PAPOLA: variants seen among roughly 807,000 people sequenced by gnomAD.
PAPOLA encodes polynucleotide adenylyltransferase alpha.
In PAPOLA, 15 loss-of-function variants were observed where a neutral mutation model predicts 100.6. The ratio of observed to expected loss-of-function variants is 0.15; its 90% CI spans 0.10 to 0.23. The LOEUF (loss-of-function observed/expected upper bound fraction) is 0.23, where lower values mean the gene tolerates loss of function less well. Among genes scored for constraint, PAPOLA ranks in the 10% least tolerant of loss-of-function variants. The probability of loss-of-function intolerance (pLI) is 1.00; values close to 1 mark genes in which losing one functional copy is unlikely to be tolerated. For synonymous variants in PAPOLA, 293 were observed against 300.0 expected (o/e 0.98, Z 0.24); for missense variants, 533 against 884.2 (o/e 0.60, Z 5.04).
chr14:96,522,112 CTTTCTT>C (rs1384790233), intron 3 of PAPOLA, among the ~76,000 whole-genome samples: 11 of 98,710 alleles, frequency 1.1e-4, no homozygotes, highest in South Asian at 4.0e-4. Flanking sequence ...CTCTTTCTTT[CTTTCTT>C]TTTTTTTTTT....
rs2140347041 is a variant in PAPOLA at position 96,565,576 on chromosome 14, C to T, written c.*526C>T. ...ATACTTCAGAGAAAGGGTAAGAGTA[C>T]ATCTAGTTCAGTTCCTATGAGGTAG... On this transcript the variant is annotated 3_prime_UTR_variant, in exon 22 of 22. Transcript: ENST00000216277. 5.1e-6 allele frequency: 2 copies of T among 395,286 alleles called. No homozygotes were observed. The highest frequency in any genetic ancestry group is 2.1e-5 in the African/African-American group (1 of 48,598). The allele number at this position is 395,286 out of a possible 1,614,324, so 24.5% of individuals were successfully genotyped here. A position where few individuals can be genotyped will look rare whatever the true frequency, so the allele number is the denominator to read the frequency against.
intron 13 of PAPOLA, 166 bp downstream of exon 13, chr14:96,542,462 T>A (rs1265386870): frequency 1.8e-6 from 1 of 566,816 alleles, no homozygotes; most frequent in African/African-American, 1.9e-5. Context: ...AATCAGGAGA[T>A]CCATATGCAA....
At chr14:96,540,909 C>T (rs545541309) in intron 12 of PAPOLA, among the ~76,000 whole-genome samples, 1 of 152,264 alleles carries the variant, frequency 6.6e-6, no homozygotes, top group Admixed American at 6.5e-5. Context: ...TGTTTTGAGA[C>T]GGAGTCTCGC....
rs1308665561 is a variant in PAPOLA, at chr14:96,566,612, A to T, written c.*1562A>T. 1 of 152,566 alleles carries T rather than the reference A, an allele frequency of 6.6e-6. No individual in the cohort carries two copies. The highest frequency in any genetic ancestry group is 2.1e-4 in the South Asian group (1 of 4,834). The allele number at this position is 152,566 out of a possible 1,614,324, so 9.5% of individuals were successfully genotyped here. A position where few individuals can be genotyped will look rare whatever the true frequency, so the allele number is the denominator to read the frequency against. On this transcript the variant is annotated 3_prime_UTR_variant, in exon 22 of 22. Coordinates refer to ENST00000216277, the MANE Select transcript of PAPOLA (RefSeq NM_032632.5). ...CTTTTCCCCCTTAGGCTATGCATTA[A>T]TCGAAGCTTTCTTTTCACCATGACT...
At chr14:96,527,791 G>C in intron 5 of PAPOLA, 162 bp from the exon 6 acceptor site, 1 of 661,956 alleles carries the variant, frequency 1.5e-6, no homozygotes, top group South Asian at 1.8e-5. Flanking sequence ...CTGATGAGTG[G>C]GTGAAGTAAA....
chr14:96,555,227 T>A (rs1021281564), intron 17 of PAPOLA, among the ~76,000 whole-genome samples: 26 of 149,920 alleles, frequency 1.7e-4, no homozygotes, highest in African/African-American at 4.6e-4. Flanking sequence ...TTTTTTTTTT[T>A]AATAATATAG....
At chr14:96,505,524 C>T (rs958093677) in intron 1 of PAPOLA, among the ~76,000 whole-genome samples, 1 of 152,054 alleles carries the variant, frequency 6.6e-6, no homozygotes, top group East Asian at 1.9e-4. Context: ...AGAATGTTGT[C>T]AAAGTTACCA....
At chr14:96,548,296 CTT>C (rs967076292) in intron 16 of PAPOLA, among the ~76,000 whole-genome samples, 3 of 151,994 alleles carry the variant, frequency 2.0e-5, no homozygotes, top group East Asian at 1.9e-4. Context: ...TTATGTGAGA[CTT>C]TTAAAAAATG....
chr14:96,525,637 G>T (rs1463015383), intron 4 of PAPOLA, among the ~76,000 whole-genome samples: 1 of 152,152 alleles, frequency 6.6e-6, no homozygotes, highest in African/African-American at 2.4e-5. Flanking sequence ...TGTAATCCTA[G>T]AACTTTGGGA....
rs569746778 is a variant in PAPOLA, at chr14:96,563,081, G to A, written c.2142+188G>A. On this transcript the variant is annotated intron_variant, in intron 21 of 21. Transcript: ENST00000216277. ...CCTGGATTTGACGGAACCGTTCTCT[G>A]GGACTGTTTCGATGTTAACCCATCC... is the stretch of plus-strand genomic sequence containing the variant. Among the ~76,000 whole-genome samples, 7 of 152,142 alleles carry A rather than the reference G, an allele frequency of 4.6e-5. No individual in the cohort carries two copies. In the East Asian group the frequency reaches 1.4e-3, roughly 29 times the overall value.
chr14:96,543,826 T>A (rs183699957), intron 14 of PAPOLA, among the ~76,000 whole-genome samples: 65 of 152,230 alleles, frequency 4.3e-4, no homozygotes, highest in African/African-American at 1.4e-3. Context: ...CTAAAAAGAT[T>A]ATTCTTTTTC....
rs574963376 is a variant in PAPOLA at position 96,557,847 on chromosome 14, A to G, written c.2004+1434A>G. On this transcript the variant is annotated intron_variant, in intron 19 of 21. Transcript: ENST00000216277. ...TGAGAATGAAAAACGGGTATTGTAT[A>G]GTACTTTAAATCCCCCAGATTACTT... Among the ~76,000 whole-genome samples the G allele has an allele frequency of 5.3e-5, 8 of 151,960 alleles. No homozygotes were observed. The South Asian group carries it at 1.7e-3, about 32-fold the overall frequency.
intron 10 of PAPOLA, 132 bp from the exon 11 acceptor site, chr14:96,535,747 T>G (rs1899468304): frequency 1.1e-6 from 1 of 896,048 alleles, no homozygotes; most frequent in Non-Finnish European, 1.5e-6. Flanking sequence ...CTCTACATGG[T>G]TTTTCTTTCT....
chr14:96,565,593 A>T lies in PAPOLA; in HGVS notation c.*543A>T. The T allele has an allele frequency of 2.5e-6, 1 of 395,554 alleles. No homozygotes were observed. The highest frequency in any genetic ancestry group is 3.6e-5 in the East Asian group (1 of 27,988). The allele number at this position is 395,554 out of a possible 1,614,324, so 24.5% of individuals were successfully genotyped here. A position where few individuals can be genotyped will look rare whatever the true frequency, so the allele number is the denominator to read the frequency against. On this transcript the variant is annotated 3_prime_UTR_variant, in exon 22 of 22. Coordinates refer to ENST00000216277, the MANE Select transcript of PAPOLA (RefSeq NM_032632.5). ...TAAGAGTACATCTAGTTCAGTTCCTATGAGGTAGCTGTAACCCTTAAAAAT... is the reference window on the plus strand; with the variant it reads ...TAAGAGTACATCTAGTTCAGTTCCTTTGAGGTAGCTGTAACCCTTAAAAAT...
intron 16 of PAPOLA, among the ~76,000 whole-genome samples, chr14:96,548,564 C>T (rs571945375): frequency 6.6e-6 from 1 of 152,028 alleles, no homozygotes; most frequent in East Asian, 1.9e-4. Flanking sequence ...ATGGTTTATT[C>T]TTATAATGGA....
rs963667259 is a variant in PAPOLA at position 96,562,548 on chromosome 14, T to C, written c.2068-271T>C. The C allele has an allele frequency of 3.7e-5, 9 of 243,222 alleles. No homozygotes were observed. The Admixed American group carries it at 4.6e-4, about 12-fold the overall frequency. 15.1% of individuals were successfully genotyped at this position (243,222 alleles called of 1,614,324 possible). A position where few individuals can be genotyped will look rare whatever the true frequency, so the allele number is the denominator to read the frequency against. On this transcript the variant is annotated intron_variant, in intron 20 of 21. Transcript: ENST00000216277. ...GTTTTTAATTATTGTTTGCTTAAAA[T>C]GTCCCAAGTTGGAGCTGGTTGGAAA...
chr14:96,520,455 A>G (rs191672192), intron 2 of PAPOLA, among the ~76,000 whole-genome samples: 6 of 152,216 alleles, frequency 3.9e-5, no homozygotes, highest in Non-Finnish European at 8.8e-5. Flanking sequence ...GGCTCACCAC[A>G]GCCTCCGCCT....
intron 1 of PAPOLA, among the ~76,000 whole-genome samples, chr14:96,507,280 G>GTTTTTTGTTTTTTTTT (rs1413020909): frequency 5.1e-4 from 41 of 80,718 alleles, no homozygotes; most frequent in African/African-American, 2.3e-3. Flanking sequence ...TTGGAAAATA[G>GTTTTTTGTTTTTTTTT]TTTTTTTTTT....
chr14:96,534,315 A>G, intron 9 of PAPOLA, 176 bp from the exon 10 acceptor site: 1 of 1,386,688 alleles, frequency 7.2e-7, no homozygotes, highest in Non-Finnish European at 9.3e-7. Flanking sequence ...TTCATTTCAT[A>G]GTTAGGAGAA....
Sources: allele counts gnomAD v4.1 joint callset (sites outside exome capture counted in the v4.1 genomes callset), GRCh38; gene constraint gnomAD v4.1.1; transcripts MANE v1.5; gene names NCBI Gene and HGNC (gene_info 2026-07-23, HGNC 2026-07-21).